Variants in ECT2L observed in about 807,000 individuals in gnomAD.
ECT2L encodes epithelial cell transforming 2 like.
A neutral mutation model predicts 122.8 loss-of-function variants in ECT2L; 126 were observed. That is an observed-to-expected ratio of 1.03 (90% CI 0.89 to 1.19). The LOEUF is 1.19. ECT2L is among the 50% of genes most tolerant of loss of function. The pLI, the probability that ECT2L is intolerant of heterozygous loss-of-function variation, is 0.00. For synonymous variants in ECT2L, 385 were observed against 381.8 expected (o/e 1.01, Z -0.10); for missense variants, 1,012 against 1,064.1 (o/e 0.95, Z 0.68).
chr6:138,869,676 C>T (rs1463866923), intron 13 of ECT2L, among the ~76,000 whole-genome samples: 1 of 151,996 alleles, frequency 6.6e-6, no homozygotes, highest in Non-Finnish European at 1.5e-5. Context: ...TACTTATTTC[C>T]ACCTAATTAT....
chr6:138,887,191 G>A (rs1778855846), intron 19 of ECT2L, among the ~76,000 whole-genome samples: 1 of 151,870 alleles, frequency 6.6e-6, no homozygotes, highest in African/African-American at 2.4e-5. Flanking sequence ...GCCCTGTGAG[G>A]AAAGGGGCCA....
chr6:138,880,997 G>C lies in ECT2L; in HGVS notation c.1706G>C (p.Arg569Thr). Residue 569 changes from arginine (R) to threonine (T), a missense_variant, in exon 15 of 22, where the codon AGA (arginine) becomes ACA (threonine). Transcript: ENST00000541398. ...LQKDSAEKRA[R>T]VVRELLQSER... ...AAGGACTCAGCAGAAAAGCGAGCTA[G>C]AGTTGTCAGAGAACTCTTACAGAGT... The C allele has an allele frequency of 1.2e-6, 2 of 1,614,156 alleles. No individual in the cohort carries two copies. Among genetic ancestry groups the C allele is most frequent in the Non-Finnish European group, 1.7e-6 (2 of 1,180,016 alleles).
chr6:138,846,865 G>A (rs189630792), intron 8 of ECT2L, among the ~76,000 whole-genome samples, 188 bp downstream of exon 8: 2 of 151,514 alleles, frequency 1.3e-5, no homozygotes, highest in Non-Finnish European at 2.9e-5. Flanking sequence ...AGAAGGCTGA[G>A]GTGGGAGGAT....
intron 4 of ECT2L, among the ~76,000 whole-genome samples, chr6:138,814,808 A>T (rs1312223756): frequency 1.3e-5 from 2 of 152,186 alleles, no homozygotes; most frequent in Non-Finnish European, 2.9e-5. Flanking sequence ...TAATGCTTTC[A>T]TACTATGGTG....
intron 4 of ECT2L, among the ~76,000 whole-genome samples, chr6:138,819,246 A>AAAAAAAAAAG (rs1776184888): frequency 8.0e-6 from 1 of 125,104 alleles, no homozygotes. Flanking sequence ...AAAAAAAAAA[A>AAAAAAAAAAG]AAAAAGGAAA....
chr6:138,864,971 T>C, intron 11 of ECT2L, 25 bp from the exon 12 acceptor site: 1 of 1,598,398 alleles, frequency 6.3e-7, no homozygotes, highest in Non-Finnish European at 8.5e-7. Context: ...AAGCCTGCAA[T>C]AATAACAGAA....
chr6:138,868,019 A>AAAAAAG, intron 12 of ECT2L, 84 bp from the exon 13 acceptor site: 1 of 833,682 alleles, frequency 1.2e-6, no homozygotes, highest in Non-Finnish European at 1.8e-6. Flanking sequence ...AAAAAAAAAA[A>AAAAAAG]GAAACTGTGA....
rs1356203501 is a variant in ECT2L, at chr6:138,846,557, C to T, written c.783C>T (p.Ser261=). 5 of 1,588,204 alleles carry T rather than the reference C, an allele frequency of 3.1e-6. No individual in the cohort carries two copies. The highest frequency in any genetic ancestry group is 3.4e-4 in the Middle Eastern group (2 of 5,922). Reference sequence around the variant, plus strand: ...TCCATAGAAGCAATATTTCTGGAAGCCATTCCTACCCTTTATTATCAAAGA... The same window carrying T: ...TCCATAGAAGCAATATTTCTGGAAGTCATTCCTACCCTTTATTATCAAAGA... ...TLPKRSNISG[S]HSYPLLSKKN... The change falls in exon 8 of 22, where the codon AGC becomes AGT. Residue 261 remains serine, a synonymous_variant. Transcript: ENST00000541398.
chr6:138,822,273 C>A (rs1252006898), intron 4 of ECT2L, among the ~76,000 whole-genome samples: 2 of 152,146 alleles, frequency 1.3e-5, no homozygotes, highest in African/African-American at 4.8e-5. Context: ...GGAAGGAGGC[C>A]GGGCGCAGTG....
At chr6:138,896,603 G>C (rs1254617660) in intron 20 of ECT2L, among the ~76,000 whole-genome samples, 1 of 152,176 alleles carries the variant, frequency 6.6e-6, no homozygotes, top group African/African-American at 2.4e-5. Flanking sequence ...TCAGCTCACA[G>C]TGGTGCTGAT....
chr6:138,806,511 C>CTTTTTTTTTTTT lies in ECT2L; in HGVS notation c.-243-6319_-243-6308dup, dbSNP rs57786220. Among the ~76,000 whole-genome samples, 68 of 89,662 alleles carry CTTTTTTTTTTTT rather than the reference C, an allele frequency of 7.6e-4. 6 individuals carry two copies. The highest frequency in any genetic ancestry group is 7.5e-4 in the African/African-American group (16 of 21,400). The allele number at this position is 89,662 out of a possible 152,430, so 58.8% of individuals were successfully genotyped here. A position where few individuals can be genotyped will look rare whatever the true frequency, so the allele number is the denominator to read the frequency against. The stretch of plus-strand genomic sequence containing the variant: ...TCCCCTGTGCAGCTGAAAATTCACG[C>CTTTTTTTTTTTT]TTTTTTTTTTTTTTTTTTTGAGATG... On this transcript the variant is annotated intron_variant, in intron 1 of 21. Coordinates refer to ENST00000541398, the MANE Select transcript of ECT2L (RefSeq NM_001077706.3).
At chr6:138,884,747 T>C (rs950206022) in intron 16 of ECT2L, among the ~76,000 whole-genome samples, 2 of 152,212 alleles carry the variant, frequency 1.3e-5, no homozygotes, top group African/African-American at 4.8e-5. Flanking sequence ...ATACCATTAA[T>C]AGTCAAGATC....
intron 4 of ECT2L, among the ~76,000 whole-genome samples, chr6:138,819,911 A>C (rs1408132544): frequency 6.6e-6 from 1 of 152,030 alleles, no homozygotes; most frequent in Non-Finnish European, 1.5e-5. Context: ...AAAAACAAAA[A>C]ACCAAGTGTT....
intron 12 of ECT2L, among the ~76,000 whole-genome samples, chr6:138,866,575 C>T (rs376222893): frequency 4.2e-4 from 63 of 150,940 alleles, no homozygotes; most frequent in East Asian, 2.0e-3. Context: ...TTAGTAGAGA[C>T]GGGGTTTCAC....
At chr6:138,891,311 C>T (rs1209325314) in intron 20 of ECT2L, among the ~76,000 whole-genome samples, 1 of 152,186 alleles carries the variant, frequency 6.6e-6, no homozygotes, top group African/African-American at 2.4e-5. Context: ...AAAGTCATCT[C>T]TTTTGGGGAA....
chr6:138,826,213 T>A (rs1490784311), intron 4 of ECT2L, among the ~76,000 whole-genome samples: 1 of 152,190 alleles, frequency 6.6e-6, no homozygotes, highest in East Asian at 1.9e-4. Context: ...TCAGCTCTCT[T>A]GCTCTGGATT....
chr6:138,876,316 G>A (rs776665934), intron 13 of ECT2L, among the ~76,000 whole-genome samples, 156 bp from the exon 14 acceptor site: 7 of 152,124 alleles, frequency 4.6e-5, no homozygotes, highest in Non-Finnish European at 8.8e-5. Context: ...TGTAAGAGTG[G>A]CATCCCATTT....
In ECT2L at chr6:138,853,846, A is replaced by G. The variant is rs141530606; in HGVS notation, c.1070-180A>G. On this transcript the variant is annotated intron_variant, in intron 9 of 21. Transcript: ENST00000541398. The stretch of plus-strand genomic sequence containing the variant: ...GTCCAATTTACCCAGGATGTGAAGG[A>G]GACCAGGACCATGGAGATGGCTCCA... Among the ~76,000 whole-genome samples, 1,500 of 152,312 alleles carry G rather than the reference A, an allele frequency of 9.8e-3. 14 individuals carry two copies. The highest frequency in any genetic ancestry group is 0.014 in the Non-Finnish European group (982 of 68,030).
rs1777092748 is a variant in ECT2L at position 138,842,963 on chromosome 6, C to T, written c.343-16C>T. The T allele has an allele frequency of 6.8e-7, 1 of 1,468,576 alleles. No individual in the cohort carries two copies. The highest frequency in any genetic ancestry group is 9.1e-7 in the Non-Finnish European group (1 of 1,097,374). The allele number at this position is 1,468,576 out of a possible 1,614,324, so 91.0% of individuals were successfully genotyped here. The stretch of plus-strand genomic sequence containing the variant: ...CTGAAAACAATTTGTGACTCATCTT[C>T]CTCTTGTTTCTGAAGGATTGCTTAT... On this transcript the variant is annotated splice_polypyrimidine_tract_variant and intron_variant, in intron 5 of 21. Transcript: ENST00000541398.
Sources: allele counts gnomAD v4.1 joint callset (sites outside exome capture counted in the v4.1 genomes callset), GRCh38; gene constraint gnomAD v4.1.1; transcripts MANE v1.5; gene names NCBI Gene and HGNC (gene_info 2026-07-23, HGNC 2026-07-21).